KDM4B: variants seen among roughly 807,000 people sequenced by gnomAD.
KDM4B encodes lysine demethylase 4B, also known as lysine-specific demethylase 4B.
KDM4B carries 32 observed loss-of-function variants against 125.2 expected under a neutral mutation model. The observed-to-expected ratio is 0.26, with a 90% confidence interval of 0.19 to 0.34. KDM4B has a LOEUF of 0.34. Ranked by LOEUF, KDM4B falls within the 10% of genes least tolerant of loss-of-function variation. The probability of loss-of-function intolerance (pLI) is 1.00; values close to 1 mark genes in which losing one functional copy is unlikely to be tolerated. For missense variants in KDM4B, 1,190 were observed against 1,577.7 expected (o/e 0.75, Z 4.16); for synonymous variants, 721 against 677.9 (o/e 1.06, Z -0.99).
chr19:5,084,858 C>T (rs1342972537), intron 9 of KDM4B, among the ~76,000 whole-genome samples: 1 of 151,390 alleles, frequency 6.6e-6, no homozygotes, highest in East Asian at 1.9e-4. Flanking sequence ...ACCCACCCTC[C>T]CCCGCCCGCC....
intron 2 of KDM4B, among the ~76,000 whole-genome samples, chr19:5,018,308 G>A (rs534766265): frequency 1.3e-5 from 2 of 152,208 alleles, no homozygotes; most frequent in Non-Finnish European, 2.9e-5. Context: ...GGTCACAGGC[G>A]TGAGTCACCT....
At chr19:4,989,472 G>A (rs907930707) in intron 1 of KDM4B, among the ~76,000 whole-genome samples, 8 of 149,956 alleles carry the variant, frequency 5.3e-5, no homozygotes, top group African/African-American at 2.0e-4. Flanking sequence ...CCCAGTAGCT[G>A]GGATTACAGG....
At chr19:4,977,289 C>T (rs1266954138) in intron 1 of KDM4B, among the ~76,000 whole-genome samples, 3 of 152,206 alleles carry the variant, frequency 2.0e-5, no homozygotes, top group African/African-American at 4.8e-5. Flanking sequence ...CTGAGAATCC[C>T]GAGGCCGACT....
At chr19:5,111,269 A>G (rs992593593) in intron 10 of KDM4B, 3 of 677,462 alleles carry the variant, frequency 4.4e-6, no homozygotes, top group East Asian at 2.5e-5. Context: ...GTTCCCTGCA[A>G]GGACTCAACG....
At chr19:5,106,437 T>A (rs943592376) in intron 9 of KDM4B, among the ~76,000 whole-genome samples, 1 of 152,100 alleles carries the variant, frequency 6.6e-6, no homozygotes, top group Admixed American at 6.6e-5. Context: ...GCTGCTCAGC[T>A]CCTCCTTGCA....
intron 21 of KDM4B, among the ~76,000 whole-genome samples, chr19:5,147,885 G>A (rs1159613028): frequency 6.6e-6 from 1 of 152,258 alleles, no homozygotes; most frequent in South Asian, 2.1e-4. Flanking sequence ...GCAGGACCTC[G>A]ATCACACAAT....
chr19:4,995,203 TTG>T (rs2035160689), intron 1 of KDM4B, among the ~76,000 whole-genome samples: 2 of 152,168 alleles, frequency 1.3e-5, no homozygotes, highest in Admixed American at 1.3e-4. Flanking sequence ...ATCCCTCTCC[TTG>T]TGTTTCTGGC....
intron 1 of KDM4B, among the ~76,000 whole-genome samples, chr19:4,980,240 C>G (rs1229418942): frequency 6.6e-6 from 1 of 152,164 alleles, no homozygotes; most frequent in Non-Finnish European, 1.5e-5. Context: ...TATCCATCCC[C>G]TCCCCCATCT....
intron 16 of KDM4B, 107 bp downstream of exon 16, chr19:5,137,445 C>A (rs2039668810): frequency 1.6e-6 from 2 of 1,247,430 alleles, no homozygotes; most frequent in Middle Eastern, 1.9e-4. Context: ...GGCCTGGGTT[C>A]CTTCACCTCT....
intron 9 of KDM4B, among the ~76,000 whole-genome samples, chr19:5,092,696 C>G (rs972497753): frequency 2.0e-5 from 3 of 152,132 alleles, no homozygotes; most frequent in African/African-American, 7.2e-5. Flanking sequence ...GGCAGGACCC[C>G]CTCGAGGGGC....
At chr19:5,094,911 A>G (rs777439313) in intron 9 of KDM4B, among the ~76,000 whole-genome samples, 1 of 152,160 alleles carries the variant, frequency 6.6e-6, no homozygotes, top group African/African-American at 2.4e-5. Context: ...GGTGCAGGTC[A>G]TCGCCGTCAC....
chr19:5,065,353 GAC>G (rs1394307901), intron 6 of KDM4B, among the ~76,000 whole-genome samples: 1 of 152,208 alleles, frequency 6.6e-6, no homozygotes, highest in Non-Finnish European at 1.5e-5. Context: ...TCCCTTTCCT[GAC>G]ACACTCATTT....
In KDM4B at chr19:5,119,693, G is replaced by A. The variant is rs143993914; in HGVS notation, c.1156G>A (p.Glu386Lys). Residue 386 changes from glutamate to lysine, a missense_variant, in exon 11 of 23, where the codon GAA becomes AAA. Glu to Lys is a moderately conservative substitution (Grantham distance 56). Around this residue, in one of 7 missense-constraint regions of KDM4B, gnomAD observed 428 missense variants for 405.1 expected, o/e 1.06. Transcript: ENST00000159111. Reference sequence around the variant, plus strand: ...GAGCCAGCCCAAGAAGCCGAAGCCCGAAGACCCCAAGTTCCCTGGGGAGGG... The same window carrying A: ...GAGCCAGCCCAAGAAGCCGAAGCCCAAAGACCCCAAGTTCCCTGGGGAGGG... ...KRSQPKKPKPEDPKFPGEGTA... is the reference protein window; with the variant it reads ...KRSQPKKPKPKDPKFPGEGTA... The A allele has an allele frequency of 2.8e-5, 44 of 1,555,838 alleles. No individual in the cohort carries two copies. Among genetic ancestry groups the A allele is most frequent in the Non-Finnish European group, 3.6e-5 (41 of 1,149,426 alleles).
intron 6 of KDM4B, among the ~76,000 whole-genome samples, chr19:5,062,777 T>TTG (rs1333532752): frequency 1.2e-4 from 11 of 88,616 alleles, no homozygotes; most frequent in Admixed American, 7.5e-4. Context: ...ATTAAACTGT[T>TTG]TTTTTTTTTT....
chr19:5,151,484 G>A lies in KDM4B; in HGVS notation c.3264G>A (p.Val1088=). 2 of 1,479,490 alleles carry A rather than the reference G, an allele frequency of 1.4e-6. No individual in the cohort carries two copies. The highest frequency in any genetic ancestry group is 2.3e-5 in the Admixed American group (1 of 43,654). 91.6% of individuals were successfully genotyped at this position (1,479,490 alleles called of 1,614,324 possible). The change falls in exon 23 of 23, where the codon GTG becomes GTA. Residue 1088 remains valine, a synonymous_variant. Coordinates refer to ENST00000159111, the MANE Select transcript of KDM4B (RefSeq NM_015015.3). ...YVAFVESLLQ[V]QGRPGAPF Reference sequence around the variant, plus strand: ...CCTTCGTGGAGAGCCTCCTGCAGGTGCAGGGCCGGCCCGGAGCCCCCTTCT... The same window carrying A: ...CCTTCGTGGAGAGCCTCCTGCAGGTACAGGGCCGGCCCGGAGCCCCCTTCT...
At chr19:5,104,356 T>C (rs1231065621) in intron 9 of KDM4B, among the ~76,000 whole-genome samples, 2 of 152,240 alleles carry the variant, frequency 1.3e-5, no homozygotes, top group East Asian at 3.9e-4. Flanking sequence ...TAATTCAGAC[T>C]CATTAATTCA....
At chr19:4,992,751 A>G (rs2035068934) in intron 1 of KDM4B, among the ~76,000 whole-genome samples, 1 of 152,156 alleles carries the variant, frequency 6.6e-6, no homozygotes, top group Non-Finnish European at 1.5e-5. Flanking sequence ...GTGTCTGGCC[A>G]TCCTATAAGT....
intron 18 of KDM4B, among the ~76,000 whole-genome samples, chr19:5,139,532 A>C (rs1438865862): frequency 6.6e-6 from 1 of 152,188 alleles, no homozygotes; most frequent in African/African-American, 2.4e-5. Flanking sequence ...ACGGACTCCC[A>C]TCCGCACCCC....
At chr19:5,045,536 G>A (rs978459747) in intron 5 of KDM4B, among the ~76,000 whole-genome samples, 4 of 151,074 alleles carry the variant, frequency 2.6e-5, no homozygotes, top group South Asian at 2.1e-4. Context: ...CATTACAGGC[G>A]CCCACCACCA....
Sources: gnomAD v4.1 joint callset for allele counts (sites outside exome capture counted in the v4.1 genomes callset) on GRCh38, gnomAD v4.1.1 for gene constraint, gnomAD v4.1.1 regional missense constraint, MANE v1.5 for transcripts, NCBI Gene and HGNC (gene_info 2026-07-23, HGNC 2026-07-21) for gene names.